The following MAN2A1 variants were observed in gnomAD, a reference collection of about 807,000 sequenced individuals.
The protein encoded by MAN2A1 is alpha-mannosidase 2.
Under a neutral mutation model 142.6 loss-of-function variants are expected in MAN2A1, and 76 were observed. The ratio of observed to expected loss-of-function variants is 0.53; its 90% CI spans 0.44 to 0.65. The LOEUF (loss-of-function observed/expected upper bound fraction) is 0.65, where lower values mean the gene tolerates loss of function less well. MAN2A1 is among the 30% of genes least tolerant of loss of function. The pLI, the probability that MAN2A1 is intolerant of heterozygous loss-of-function variation, is 0.00. For synonymous variants in MAN2A1, 559 were observed against 473.2 expected (o/e 1.18, Z -2.35); for missense variants, 1,311 against 1,365.1 (o/e 0.96, Z 0.62).
At chr5:109,729,220 A>T in intron 3 of MAN2A1, 122 bp from the exon 4 acceptor site, 1 of 569,156 alleles carries the variant, frequency 1.8e-6, no homozygotes, top group East Asian at 3.4e-5. Context: ...CACCTGTTAA[A>T]TTTAAAAATA....
chr5:109,767,799 T>C (rs1302129168), intron 6 of MAN2A1, 91 bp downstream of exon 6: 3 of 1,073,490 alleles, frequency 2.8e-6, no homozygotes, highest in African/African-American at 1.6e-5. Flanking sequence ...TTTTGTTCAC[T>C]GTCAGTCTTG....
intron 1 of MAN2A1, among the ~76,000 whole-genome samples, chr5:109,692,324 C>G (rs1445331132): frequency 6.6e-6 from 1 of 152,106 alleles, no homozygotes; most frequent in Non-Finnish European, 1.5e-5. Context: ...TGTTGGTACT[C>G]AACTGGGAGG....
intron 12 of MAN2A1, among the ~76,000 whole-genome samples, chr5:109,805,190 G>A (rs934656973): frequency 6.6e-6 from 1 of 151,988 alleles, no homozygotes; most frequent in African/African-American, 2.4e-5. Context: ...AAGACTCTTG[G>A]GGTCAGCCAA....
rs1382646046 is a variant in MAN2A1 at position 109,817,380 on chromosome 5, A to G, written c.2051A>G (p.Glu684Gly). ...TTCTCTGCTTCAGGAAAACCTGTGGAAGTTCAAGTCAGCGCAGTTTGGGAT... is the reference window on the plus strand; with the variant it reads ...TTCTCTGCTTCAGGAAAACCTGTGGGAGTTCAAGTCAGCGCAGTTTGGGAT... Reference protein sequence around the residue: ...QVFSASGKPVEVQVSAVWDTA... With the variant: ...QVFSASGKPVGVQVSAVWDTA... The change falls in exon 13 of 22, where the codon GAA becomes GGA. Residue 684 changes from glutamate (E) to glycine (G), a missense_variant. Physicochemically the swap from Glu to Gly is moderately conservative, Grantham distance 98. This residue lies in a region of MAN2A1 where 890 missense variants were observed against 920.5 expected (regional missense o/e 0.97). Coordinates refer to ENST00000261483, the MANE Select transcript of MAN2A1 (RefSeq NM_002372.4). 6.2e-7 allele frequency: 1 copy of G among 1,614,126 alleles called. No homozygotes were observed. The highest frequency in any genetic ancestry group is 1.1e-5 in the South Asian group (1 of 91,074).
In MAN2A1 at chr5:109,865,638, C is replaced by T. The variant is rs554795144; in HGVS notation, c.3282+492C>T. On this transcript the variant is annotated intron_variant, in intron 21 of 21. Transcript: ENST00000261483. ...CAGCCCAGGAGGCAGCTGTACGTAG[C>T]GCCAATCAGTTGTTTTCCCTTGGGA... Among the ~76,000 whole-genome samples the T allele has an allele frequency of 3.0e-4, 45 of 152,314 alleles. 1 individual carries two copies. The South Asian group carries it at 8.3e-3, about 28-fold the overall frequency.
At chr5:109,772,826 C>T (rs962816551) in intron 7 of MAN2A1, among the ~76,000 whole-genome samples, 4 of 152,026 alleles carry the variant, frequency 2.6e-5, no homozygotes, top group South Asian at 4.1e-4. Flanking sequence ...AATTTGTTAA[C>T]GTCCCAAAGA....
chr5:109,794,736 G>C (rs1373009798), intron 12 of MAN2A1, among the ~76,000 whole-genome samples: 1 of 151,986 alleles, frequency 6.6e-6, no homozygotes, highest in African/African-American at 2.4e-5. Flanking sequence ...GGCATTAATA[G>C]TACAGTGTAT....
intron 15 of MAN2A1, among the ~76,000 whole-genome samples, chr5:109,822,794 C>G (rs1461356871): frequency 6.6e-6 from 1 of 152,118 alleles, no homozygotes; most frequent in Non-Finnish European, 1.5e-5. Flanking sequence ...TTTCCTGCCT[C>G]AGCCTCCCGA....
chr5:109,720,823 C>G (rs1202763469), intron 3 of MAN2A1, among the ~76,000 whole-genome samples: 3 of 152,208 alleles, frequency 2.0e-5, no homozygotes, highest in Non-Finnish European at 4.4e-5. Context: ...ACTTAGAAGT[C>G]TGGTTGCTAA....
At chr5:109,848,490 G>A (rs1048335405) in intron 19 of MAN2A1, among the ~76,000 whole-genome samples, 4 of 152,030 alleles carry the variant, frequency 2.6e-5, no homozygotes, top group African/African-American at 9.7e-5. Flanking sequence ...GCCAGTGATC[G>A]TACCTTTCAC....
At chr5:109,747,418 A>G (rs1447680769) in intron 4 of MAN2A1, among the ~76,000 whole-genome samples, 1 of 152,162 alleles carries the variant, frequency 6.6e-6, no homozygotes, top group Non-Finnish European at 1.5e-5. Flanking sequence ...TTTCTGTGAT[A>G]TCGTTTTTAA....
At chr5:109,753,280 C>G (rs1196728466) in intron 4 of MAN2A1, among the ~76,000 whole-genome samples, 2 of 152,264 alleles carry the variant, frequency 1.3e-5, no homozygotes, top group East Asian at 3.9e-4. Flanking sequence ...CTAAATCAGG[C>G]AATCACCAGA....
intron 5 of MAN2A1, among the ~76,000 whole-genome samples, chr5:109,762,512 T>TC (rs1234980203): frequency 1.3e-5 from 2 of 152,088 alleles, no homozygotes; most frequent in South Asian, 2.1e-4. Context: ...AGCATACCCA[T>TC]CCATCTCACT....
At chr5:109,817,708 T>C (rs138975887) in intron 13 of MAN2A1, among the ~76,000 whole-genome samples, 2,470 of 152,306 alleles carry the variant, frequency 0.016, 30 homozygotes, top group Admixed American at 0.026. Flanking sequence ...TTTGTAAGGA[T>C]GCATACTGTT....
chr5:109,713,441 AT>A, intron 1 of MAN2A1, 78 bp from the exon 2 acceptor site: 3 of 1,314,412 alleles, frequency 2.3e-6, no homozygotes, highest in Non-Finnish European at 3.1e-6. Context: ...CAACCACATA[AT>A]TTAAAAAAAA....
rs779427574 is a variant in MAN2A1 at position 109,823,802 on chromosome 5, A to T, written c.2531A>T (p.His844Leu). The T allele has an allele frequency of 6.2e-7, 1 of 1,604,930 alleles. No individual in the cohort carries two copies. Among genetic ancestry groups the T allele is most frequent in the South Asian group, 1.1e-5 (1 of 89,420 alleles). The change falls in exon 16 of 22, where the codon CAT (histidine) becomes CTT (leucine). Residue 844 changes from histidine to leucine, a missense_variant. Around this residue, in one of 3 missense-constraint regions of MAN2A1, gnomAD observed 890 missense variants for 920.5 expected, o/e 0.97. Coordinates refer to ENST00000261483, the MANE Select transcript of MAN2A1 (RefSeq NM_002372.4). The part of the protein sequence containing the change: ...IYSEVTCFFD[H>L]VTHRVRLYHI... The stretch of plus-strand genomic sequence containing the variant: ...TCGGAAGTGACTTGCTTTTTTGACC[A>T]TGTTACTCATAGAGTCCGACTATAC...
chr5:109,690,603 C>A, intron 1 of MAN2A1, 51 bp downstream of exon 1: 1 of 1,541,672 alleles, frequency 6.5e-7, no homozygotes, highest in Non-Finnish European at 8.7e-7. Flanking sequence ...GGCGTGCGGG[C>A]CCCTGGTTAG....
chr5:109,820,872 A>G lies in MAN2A1; in HGVS notation c.2451+530A>G, dbSNP rs181844862. Among the ~76,000 whole-genome samples the G allele has an allele frequency of 2.0e-5, 3 of 152,344 alleles. No individual in the cohort carries two copies. The East Asian group carries it at 5.8e-4, about 29-fold the overall frequency. ...GAACAATGTTCAGTTAGGATAAACA[A>G]TGAACATGGGAAGAAACTAGATTTT... is the stretch of plus-strand genomic sequence containing the variant. On this transcript the variant is annotated intron_variant, in intron 15 of 21. Transcript: ENST00000261483.
chr5:109,700,778 A>G (rs1002074988), intron 1 of MAN2A1, among the ~76,000 whole-genome samples: 7 of 152,228 alleles, frequency 4.6e-5, no homozygotes, highest in African/African-American at 1.7e-4. Context: ...GCCCAGTCAC[A>G]GGATACCTGG....
Sources: allele counts gnomAD v4.1 joint callset (sites outside exome capture counted in the v4.1 genomes callset), GRCh38; gene constraint gnomAD v4.1.1; regional missense constraint gnomAD v4.1.1; transcripts MANE v1.5; gene names NCBI Gene and HGNC (gene_info 2026-07-23, HGNC 2026-07-21).